SEMA6A: variants seen among roughly 807,000 people sequenced by gnomAD.
The protein encoded by SEMA6A is semaphorin-6A.
Under a neutral mutation model 96.8 loss-of-function variants are expected in SEMA6A, and 25 were observed. The observed-to-expected ratio is 0.26, with a 90% confidence interval of 0.19 to 0.36. The LOEUF is 0.36. Among genes scored for constraint, SEMA6A ranks in the 10% least tolerant of loss-of-function variants. SEMA6A has a pLI of 1.00. For missense variants in SEMA6A, 1,363 were observed against 1,323.1 expected, an observed-to-expected ratio of 1.03 and a Z score of -0.47; for synonymous variants, 612 against 518.0, an observed-to-expected ratio of 1.18 and a Z score of -2.46.
rs1398359504 is a variant in SEMA6A, at chr5:116,453,771, C to A, written c.1895-5960G>T. 2.6e-5 allele frequency among the ~76,000 whole-genome samples: 4 copies of A among 152,192 alleles called. No homozygotes were observed. The East Asian group carries it at 5.8e-4, about 22-fold the overall frequency. ...ATCAAAAGCACAGCTAGTCTACCTG[C>A]ATTTATTATTACTGTTTTTAAAATT... On this transcript the variant is annotated intron_variant, in intron 18 of 18. Transcript: ENST00000343348.
intron 18 of SEMA6A, among the ~76,000 whole-genome samples, chr5:116,458,078 G>A (rs1353502644): frequency 6.6e-6 from 1 of 152,098 alleles, no homozygotes; most frequent in Non-Finnish European, 1.5e-5. Context: ...AGTTTGCAAA[G>A]TAAAACTTCT....
intron 18 of SEMA6A, among the ~76,000 whole-genome samples, chr5:116,448,291 AGGGAGATCAGGCCACTGTACTCCAGCCT>A: frequency 6.6e-6 from 1 of 151,936 alleles, no homozygotes; most frequent in African/African-American, 2.4e-5. Context: ...GTTGCAGTGA[AGGGAGATCAGGCCACTGTACTCCAGCCT>A]GGGTGACAGA....
chr5:116,455,889 G>C (rs1442056646), intron 18 of SEMA6A, among the ~76,000 whole-genome samples: 1 of 152,136 alleles, frequency 6.6e-6, no homozygotes, highest in Non-Finnish European at 1.5e-5. Context: ...GGCCCCAGTA[G>C]TGTTGGCTAT....
chr5:116,504,746 C>A, intron 2 of SEMA6A, 99 bp downstream of exon 2: 2 of 911,046 alleles, frequency 2.2e-6, no homozygotes, highest in South Asian at 1.5e-5. Context: ...ACTAATAAGT[C>A]ACCTATTCTA....
At chr5:116,497,087 A>G (rs755460393) in intron 4 of SEMA6A, among the ~76,000 whole-genome samples, 12 of 152,248 alleles carry the variant, frequency 7.9e-5, no homozygotes, top group Admixed American at 2.0e-4. Context: ...TGTAGAAATT[A>G]TGTAAAACTT....
chr5:116,570,352 G>GGC (rs1396944622), intron 1 of SEMA6A, among the ~76,000 whole-genome samples: 1 of 152,044 alleles, frequency 6.6e-6, no homozygotes, highest in Non-Finnish European at 1.5e-5. Flanking sequence ...AGTGGGGGGG[G>GGC]TTCCTGATAT....
intron 16 of SEMA6A, among the ~76,000 whole-genome samples, chr5:116,474,535 G>T (rs2112674752): frequency 6.6e-6 from 1 of 152,250 alleles, no homozygotes; most frequent in African/African-American, 2.4e-5. Flanking sequence ...TGAAAAATAT[G>T]TATATGGCAA....
intron 1 of SEMA6A, among the ~76,000 whole-genome samples, chr5:116,569,403 G>A (rs1427387677): frequency 6.6e-6 from 1 of 152,158 alleles, no homozygotes; most frequent in Non-Finnish European, 1.5e-5. Flanking sequence ...AGAGAGGTTG[G>A]AACCTGAGTG....
chr5:116,487,055 A>G lies in SEMA6A; in HGVS notation c.745-89T>C. ...ATCTGCATTCCTTGAAAACAGAAAC[A>G]AAACAACAAGGTGCTTAATACTGTT... On this transcript the variant is annotated intron_variant, in intron 9 of 18. Coordinates refer to ENST00000343348, the MANE Select transcript of SEMA6A (RefSeq NM_020796.5). 8 of 910,958 alleles carry G rather than the reference A, an allele frequency of 8.8e-6. No homozygotes were observed. In the South Asian group the frequency reaches 1.2e-4, roughly 14 times the overall value. 56.4% of individuals were successfully genotyped at this position (910,958 alleles called of 1,614,324 possible).
At chr5:116,463,248 A>C (rs1055123697) in intron 18 of SEMA6A, among the ~76,000 whole-genome samples, 3 of 152,176 alleles carry the variant, frequency 2.0e-5, no homozygotes, top group African/African-American at 4.8e-5. Context: ...AAAGGGCATA[A>C]ATTTCCACCA....
At chr5:116,551,382 G>A (rs1301541340) in intron 1 of SEMA6A, among the ~76,000 whole-genome samples, 1 of 149,262 alleles carries the variant, frequency 6.7e-6, no homozygotes, top group Non-Finnish European at 1.5e-5. Context: ...TCTATCAGCA[G>A]AAGATTTACC....
At chr5:116,559,019 A>G (rs930699514) in intron 1 of SEMA6A, among the ~76,000 whole-genome samples, 5 of 152,216 alleles carry the variant, frequency 3.3e-5, no homozygotes, top group African/African-American at 7.2e-5. Flanking sequence ...CGATTTTTAC[A>G]TGAACAGATC....
At chr5:116,495,319 T>A in intron 6 of SEMA6A, 94 bp downstream of exon 6, 1 of 861,406 alleles carries the variant, frequency 1.2e-6, no homozygotes. Flanking sequence ...TCAGGTGGTG[T>A]TGAATTACCC....
chr5:116,457,647 G>A (rs1413495595), intron 18 of SEMA6A, among the ~76,000 whole-genome samples: 1 of 152,128 alleles, frequency 6.6e-6, no homozygotes, highest in African/African-American at 2.4e-5. Flanking sequence ...CACATTGCCT[G>A]TAATTGGCTT....
At chr5:116,539,181 T>A (rs1759855017) in intron 1 of SEMA6A, among the ~76,000 whole-genome samples, 1 of 152,210 alleles carries the variant, frequency 6.6e-6, no homozygotes, top group African/African-American at 2.4e-5. Flanking sequence ...CCTAGACAAC[T>A]TTTCTCAACA....
intron 1 of SEMA6A, among the ~76,000 whole-genome samples, chr5:116,573,220 G>A (rs1761306188): frequency 1.3e-5 from 2 of 152,172 alleles, no homozygotes; most frequent in South Asian, 4.1e-4. Flanking sequence ...AGCGCCCTAG[G>A]ACACAGTGAG....
At chr5:116,469,366 G>C (rs1370645419) in intron 17 of SEMA6A, 1 of 152,210 alleles carries the variant, frequency 6.6e-6, no homozygotes, top group Non-Finnish European at 1.5e-5. Context: ...GAGAACAGGG[G>C]AAGGAAAATC....
At chr5:116,451,398 G>T (rs191481440) in intron 18 of SEMA6A, among the ~76,000 whole-genome samples, 1 of 152,234 alleles carries the variant, frequency 6.6e-6, no homozygotes, top group East Asian at 1.9e-4. Context: ...TCCAAACTTC[G>T]TGCCTTCTAA....
intron 8 of SEMA6A, 30 bp from the exon 9 acceptor site, chr5:116,488,226 A>C (rs1449902263): frequency 1.4e-6 from 2 of 1,395,754 alleles, no homozygotes; most frequent in East Asian, 4.6e-5. Flanking sequence ...TTAATTGGGA[A>C]CATGTCAAAC....
Sources: allele counts gnomAD v4.1 joint callset (sites outside exome capture counted in the v4.1 genomes callset), GRCh38; gene constraint gnomAD v4.1.1; transcripts MANE v1.5; gene names NCBI Gene and HGNC (gene_info 2026-07-23, HGNC 2026-07-21).